KCTD1: variants seen among roughly 807,000 people sequenced by gnomAD.
KCTD1 encodes potassium channel tetramerization domain containing 1, also known as BTB/POZ domain-containing protein KCTD1.
A neutral mutation model predicts 66.0 loss-of-function variants in KCTD1; 24 were observed. That is an observed-to-expected ratio of 0.36 (90% CI 0.26 to 0.51). KCTD1 has a LOEUF of 0.51. KCTD1 is among the 20% of genes least tolerant of loss of function. The pLI, the probability that KCTD1 is intolerant of heterozygous loss-of-function variation, is 0.95. For synonymous variants in KCTD1, 511 were observed against 517.2 expected (o/e 0.99, Z 0.16); for missense variants, 943 against 1,205.2 (o/e 0.78, Z 3.22).
Position 26,475,847 on chromosome 18 carries a change from C to T in KCTD1, c.2133+668G>A, listed in dbSNP as rs140768498. ...AGCCTGGGAGACAAGAGCAAAACTC[C>T]GTCTCAAAAAACAAACAAACAAACA... On this transcript the variant is annotated intron_variant, in intron 3 of 4. Transcript: ENST00000580059. Among the ~76,000 whole-genome samples the T allele has an allele frequency of 4.9e-4, 74 of 152,122 alleles. No homozygotes were observed. In the East Asian group the frequency reaches 0.011, roughly 23 times the overall value.
At chr18:26,603,963 G>A (rs919611625) in intron 1 of KCTD1, among the ~76,000 whole-genome samples, 1 of 152,066 alleles carries the variant, frequency 6.6e-6, no homozygotes, top group South Asian at 2.1e-4. Flanking sequence ...TATCAACAGA[G>A]TAAACAGACA....
intron 1 of KCTD1, among the ~76,000 whole-genome samples, chr18:26,649,646 C>T (rs532392369): frequency 6.8e-4 from 104 of 152,186 alleles, no homozygotes; most frequent in African/African-American, 2.5e-3. Context: ...GTAGCTGGGA[C>T]TACAGGCACG....
In KCTD1 at chr18:26,480,553, A is replaced by G. The variant is rs143964542; in HGVS notation, c.1989-3894T>C. Among the ~76,000 whole-genome samples, 567 of 152,292 alleles carry G rather than the reference A, an allele frequency of 3.7e-3. 4 individuals are homozygous for G. Among genetic ancestry groups the G allele is most frequent in the African/African-American group, 0.013 (539 of 41,562 alleles). ...GGGAGGCTGAGGTGGGCAGATCCCAAGGTCAGGAGTTCAAGACGAGCCTGA... is the reference window on the plus strand; with the variant it reads ...GGGAGGCTGAGGTGGGCAGATCCCAGGGTCAGGAGTTCAAGACGAGCCTGA... On this transcript the variant is annotated intron_variant, in intron 2 of 4. Transcript: ENST00000580059.
intron 1 of KCTD1, among the ~76,000 whole-genome samples, chr18:26,555,340 G>T (rs1410350839): frequency 6.6e-6 from 1 of 152,072 alleles, no homozygotes; most frequent in South Asian, 2.1e-4. Flanking sequence ...CAGGAAAATC[G>T]CTTGAACCTG....
intron 1 of KCTD1, among the ~76,000 whole-genome samples, chr18:26,625,015 T>C (rs1987468358): frequency 6.6e-6 from 1 of 152,228 alleles, no homozygotes; most frequent in South Asian, 2.1e-4. Context: ...CTGTTGAATT[T>C]CAGACTTGTG....
chr18:26,530,537 A>G (rs938262987), intron 1 of KCTD1, among the ~76,000 whole-genome samples: 3 of 152,216 alleles, frequency 2.0e-5, no homozygotes, highest in African/African-American at 7.2e-5. Flanking sequence ...ACCTACCCAA[A>G]CAGACCCACA....
Position 26,459,868 on chromosome 18 carries a change from C to G in KCTD1, c.2191G>C (p.Glu731Gln). The G allele has an allele frequency of 6.2e-7, 1 of 1,612,568 alleles. No homozygotes were observed. The highest frequency in any genetic ancestry group is 1.1e-5 in the South Asian group (1 of 90,914). Residue 731 changes from glutamate to glutamine, a missense_variant, in exon 4 of 5, where the codon GAG (glutamate) becomes CAG (glutamine). Glu to Gln is a conservative substitution (Grantham distance 29). Coordinates refer to ENST00000580059, the MANE Select transcript of KCTD1 (RefSeq NM_001142730.3). The part of the protein sequence containing the change: ...KYFQLQPMLL[E>Q]MERWKQDRET... Reference sequence around the variant, plus strand: ...CTGTCCTGCTTCCATCTTTCCATCTCCAACAACATGGGCTGAAGCTGAAAA... The same window carrying G: ...CTGTCCTGCTTCCATCTTTCCATCTGCAACAACATGGGCTGAAGCTGAAAA...
At position 26,507,543 on chromosome 18, in the gene KCTD1, T is replaced by A. The variant is rs544688267; in HGVS notation, c.1810-6293A>T. Among the ~76,000 whole-genome samples the A allele has an allele frequency of 5.3e-5, 8 of 151,762 alleles. No homozygotes were observed. In the East Asian group the frequency reaches 5.8e-4, roughly 11 times the overall value. Reference sequence around the variant, plus strand: ...TGCCACCACACTTGGCTAATTAAAATTTTTTTTTCTTTTGTAGAGATGGGG... The same window carrying A: ...TGCCACCACACTTGGCTAATTAAAAATTTTTTTTCTTTTGTAGAGATGGGG... On this transcript the variant is annotated intron_variant, in intron 1 of 4. Coordinates refer to ENST00000580059, the MANE Select transcript of KCTD1 (RefSeq NM_001142730.3).
At position 26,624,612 on chromosome 18, in the gene KCTD1, G is replaced by A. The variant is rs139545046; in HGVS notation, c.-16+4535C>T. ...TCCACCTAGATTTCAGAGGACATAC[G>A]GAAATGCCTGGATGTCCAGGCAGAA... On this transcript the variant is annotated intron_variant, in intron 1 of 4. Coordinates refer to the KCTD1 transcript ENST00000317932. Among the ~76,000 whole-genome samples the A allele has an allele frequency of 1.4e-4, 22 of 152,346 alleles. No homozygotes were observed. In the East Asian group the frequency reaches 2.7e-3, roughly 19 times the overall value.
chr18:26,469,160 A>C (rs1980912104), intron 3 of KCTD1, among the ~76,000 whole-genome samples: 1 of 133,750 alleles, frequency 7.5e-6, no homozygotes, highest in Non-Finnish European at 1.5e-5. Flanking sequence ...GTTTCATTTG[A>C]CATGCTTTTG....
At chr18:26,593,913 G>A (rs1038634931) in intron 1 of KCTD1, among the ~76,000 whole-genome samples, 3 of 151,112 alleles carry the variant, frequency 2.0e-5, no homozygotes, top group East Asian at 1.9e-4. Context: ...TGAGGAGGAC[G>A]AGGAGGAAGA....
intron 1 of KCTD1, among the ~76,000 whole-genome samples, chr18:26,533,562 C>T (rs1167499334): frequency 3.9e-5 from 6 of 152,138 alleles, no homozygotes; most frequent in Admixed American, 6.5e-5. Flanking sequence ...TGCAGTGGCA[C>T]GATCTTGGCT....
intron 1 of KCTD1, among the ~76,000 whole-genome samples, chr18:26,622,150 T>A (rs1248899891): frequency 1.3e-5 from 2 of 152,098 alleles, no homozygotes; most frequent in Non-Finnish European, 2.9e-5. Context: ...GCTTGCAAAC[T>A]GTCTAAATTC....
At chr18:26,555,392 T>TCCA (rs1436653183) in intron 1 of KCTD1, among the ~76,000 whole-genome samples, 1 of 152,164 alleles carries the variant, frequency 6.6e-6, no homozygotes, top group Admixed American at 6.5e-5. Flanking sequence ...GCCACTGCAC[T>TCCA]CCAGCCTGGG....
chr18:26,486,940 C>T (rs1052165827), intron 2 of KCTD1, among the ~76,000 whole-genome samples: 5 of 152,138 alleles, frequency 3.3e-5, no homozygotes, highest in Non-Finnish European at 7.3e-5. Context: ...CTTAACACAG[C>T]GCTTAATTCA....
At chr18:26,573,902 C>T in intron 1 of KCTD1, among the ~76,000 whole-genome samples, 1 of 152,124 alleles carries the variant, frequency 6.6e-6, no homozygotes, top group East Asian at 1.9e-4. Flanking sequence ...CAAGACTGGT[C>T]CTTGCATTTG....
At chr18:26,647,299 G>GAGTTCA (rs1987941588) in intron 1 of KCTD1, among the ~76,000 whole-genome samples, 1 of 150,270 alleles carries the variant, frequency 6.7e-6, no homozygotes. Context: ...ACGAGGTCAG[G>GAGTTCA]AGTTCAAGGC....
intron 1 of KCTD1, among the ~76,000 whole-genome samples, chr18:26,516,103 G>A (rs1983642059): frequency 1.3e-5 from 2 of 152,118 alleles, no homozygotes; most frequent in African/African-American, 4.8e-5. Flanking sequence ...GAGAAGAAAG[G>A]GAAGGGGAGC....
intron 1 of KCTD1, among the ~76,000 whole-genome samples, chr18:26,593,549 C>CGAG (rs1288982067): frequency 2.3e-5 from 1 of 43,892 alleles, no homozygotes; most frequent in Non-Finnish European, 4.2e-5. Context: ...AGGAAGAAGA[C>CGAG]GAGGAGGAGG....
Sources: gnomAD v4.1 joint callset for allele counts (sites outside exome capture counted in the v4.1 genomes callset) on GRCh38, gnomAD v4.1.1 for gene constraint, MANE v1.5 for transcripts, NCBI Gene and HGNC (gene_info 2026-07-23, HGNC 2026-07-21) for gene names.